PXDN: variants seen among roughly 807,000 people sequenced by gnomAD.
PXDN encodes peroxidasin homolog.
PXDN carries 77 observed loss-of-function variants against 140.3 expected under a neutral mutation model. The ratio of observed to expected loss-of-function variants is 0.55; its 90% confidence interval spans 0.46 to 0.66. The LOEUF (loss-of-function observed/expected upper bound fraction) is 0.66, where lower values mean the gene tolerates loss of function less well. Among genes scored for constraint, PXDN ranks in the 30% least tolerant of loss-of-function variants. The pLI is 0.00. For missense variants in PXDN, 1,838 were observed against 2,039.5 expected, an observed-to-expected ratio of 0.90 and a Z score of 1.90; for synonymous variants, 911 against 857.4, an observed-to-expected ratio of 1.06 and a Z score of -1.09.
At chr2:1,720,648 T>TTTCTCTCTCTCTGCATGTCC (rs1685021334) in intron 1 of PXDN, among the ~76,000 whole-genome samples, 2 of 151,996 alleles carry the variant, frequency 1.3e-5, no homozygotes, top group African/African-American at 4.8e-5. Context: ...TCTGCATCTC[T>TTTCTCTCTCTCTGCATGTCC]TTCTCTCTCT....
chr2:1,686,219 G>A (rs1684053330), intron 4 of PXDN, among the ~76,000 whole-genome samples: 1 of 152,204 alleles, frequency 6.6e-6, no homozygotes, highest in African/African-American at 2.4e-5. Context: ...CCCTGCCCGA[G>A]GGCGGGGCTC....
chr2:1,686,693 C>T (rs747856021), intron 4 of PXDN, among the ~76,000 whole-genome samples: 5 of 152,162 alleles, frequency 3.3e-5, no homozygotes, highest in African/African-American at 7.2e-5. Flanking sequence ...AATCTACCCA[C>T]GCCCTGTCCA....
chr2:1,643,498 T>C lies in PXDN; in HGVS notation c.3822A>G (p.Leu1274=), dbSNP rs766360870. ...GGGTGATGTTGTCCGCGTTGTCGCA[T>C]AGGATCCTGGCCAGCGACGTCTGCT... ...QIKQTSLARI[L]CDNADNITRV... The change falls in exon 19 of 23, where the codon CTA becomes CTG. Residue 1274 remains leucine (L), a synonymous_variant. Transcript: ENST00000252804. 2.5e-6 allele frequency: 4 copies of C among 1,613,814 alleles called. No individual in the cohort carries two copies. The highest frequency in any genetic ancestry group is 1.7e-5 in the Admixed American group (1 of 59,992).
At chr2:1,641,095 C>T (rs1682717677) in intron 19 of PXDN, among the ~76,000 whole-genome samples, 1 of 152,236 alleles carries the variant, frequency 6.6e-6, no homozygotes, top group African/African-American at 2.4e-5. Context: ...TTGTAGGCAT[C>T]AACGAAGCAA....
At chr2:1,686,785 C>A (rs185383534) in intron 4 of PXDN, among the ~76,000 whole-genome samples, 4 of 152,204 alleles carry the variant, frequency 2.6e-5, no homozygotes, top group Non-Finnish European at 2.9e-5. Context: ...TGGTCTCCCC[C>A]CTGCACCGCT....
rs1683012236 is a variant in PXDN, at chr2:1,651,458, T to C, written c.2105-1783A>G. ...ATGCTTGAAAATGCATCAAACCATG[T>C]TGCTTCTCTGCAGGAAACCCTAAGG... On this transcript the variant is annotated intron_variant, in intron 16 of 22. Transcript: ENST00000252804. The surrounding 1 kb of genome is among the most constrained non-coding windows in gnomAD (Gnocchi z 4.4). Among the ~76,000 whole-genome samples the C allele has an allele frequency of 1.3e-5, 2 of 152,190 alleles. No individual in the cohort carries two copies. The highest frequency in any genetic ancestry group is 3.9e-4 in the East Asian group (2 of 5,186).
At chr2:1,691,795 C>T (rs996783628) in intron 3 of PXDN, 133 bp downstream of exon 3, 14 of 600,356 alleles carry the variant, frequency 2.3e-5, no homozygotes, top group Non-Finnish European at 4.0e-5. Context: ...AATGTTTACT[C>T]ACCTTCTCAA....
chr2:1,638,047 G>A (rs186419734), intron 21 of PXDN, among the ~76,000 whole-genome samples: 1 of 152,284 alleles, frequency 6.6e-6, no homozygotes, highest in Non-Finnish European at 1.5e-5. Flanking sequence ...CTGTGGCTGG[G>A]GGTTACCTTG....
chr2:1,729,277 C>T (rs1209175255), intron 1 of PXDN, among the ~76,000 whole-genome samples: 1 of 152,180 alleles, frequency 6.6e-6, no homozygotes, highest in Non-Finnish European at 1.5e-5. Context: ...GAAACATGAG[C>T]ACTTACACAG....
intron 19 of PXDN, among the ~76,000 whole-genome samples, chr2:1,642,876 G>A (rs950668236): frequency 6.6e-6 from 1 of 152,188 alleles, no homozygotes; most frequent in East Asian, 1.9e-4. Flanking sequence ...CCAATCATGA[G>A]ACCACCTCCT....
intron 1 of PXDN, among the ~76,000 whole-genome samples, chr2:1,717,678 C>T (rs1684925772): frequency 6.6e-6 from 1 of 152,160 alleles, no homozygotes; most frequent in Non-Finnish European, 1.5e-5. Flanking sequence ...CTCTACTGAC[C>T]TGCAGCACAG....
intron 11 of PXDN, chr2:1,664,262 C>A: frequency 6.2e-6 from 1 of 160,874 alleles, no homozygotes; most frequent in Admixed American, 5.9e-5. Context: ...CCTCAGAGGG[C>A]TGAAGGGATG....
At position 1,638,897 on chromosome 2, in the gene PXDN, G is replaced by A. The variant is rs747448989; in HGVS notation, c.4155C>T (p.Phe1385=). Residue 1385 remains phenylalanine (F), a synonymous_variant, in exon 21 of 23, where the codon TTC becomes TTT. Coordinates refer to ENST00000252804, the MANE Select transcript of PXDN (RefSeq NM_012293.3). ...TRSDASGTND[F]REFVLEMQKT... ...TCTGCATTTCCAGAACAAACTCTCT[G>A]AAGTCATTTGTCCCAGATGCATCTG... 4 of 1,614,026 alleles carry A rather than the reference G, an allele frequency of 2.5e-6. No homozygotes were observed. Among genetic ancestry groups the A allele is most frequent in the Non-Finnish European group, 3.4e-6 (4 of 1,179,884 alleles).
intron 1 of PXDN, among the ~76,000 whole-genome samples, chr2:1,740,477 C>G (rs1368099614): frequency 1.3e-5 from 2 of 152,048 alleles, no homozygotes; most frequent in African/African-American, 4.8e-5. Flanking sequence ...ACTCCCAGAG[C>G]CCCCAGAGGG....
chr2:1,699,498 C>T (rs1684372259), intron 1 of PXDN, among the ~76,000 whole-genome samples: 2 of 152,180 alleles, frequency 1.3e-5, no homozygotes, highest in Admixed American at 1.3e-4. Context: ...CACCTGAGGT[C>T]AGGAATTCAA....
intron 1 of PXDN, among the ~76,000 whole-genome samples, chr2:1,733,437 G>C (rs560800854): frequency 6.6e-6 from 1 of 152,222 alleles, no homozygotes; most frequent in East Asian, 1.9e-4. Flanking sequence ...CAATGTGAGA[G>C]GACATTTTTA....
At chr2:1,671,922 A>G (rs1683587657) in intron 9 of PXDN, 1 of 152,264 alleles carries the variant, frequency 6.6e-6, no homozygotes, top group Non-Finnish European at 1.5e-5. Context: ...AAGAAAACTT[A>G]ATCATAGACA....
At chr2:1,741,076 G>A (rs984240169) in intron 1 of PXDN, among the ~76,000 whole-genome samples, 12 of 152,088 alleles carry the variant, frequency 7.9e-5, no homozygotes, top group African/African-American at 1.4e-4. Flanking sequence ...CAACCGTGGC[G>A]GCTCCAGGGA....
At chr2:1,672,323 T>C (rs1683596857) in intron 9 of PXDN, 1 of 152,252 alleles carries the variant, frequency 6.6e-6, no homozygotes. Context: ...TGTCTAGGAA[T>C]CAATCAACCT....
Sources: allele counts gnomAD v4.1 joint callset (sites outside exome capture counted in the v4.1 genomes callset), GRCh38; gene constraint gnomAD v4.1.1; non-coding constraint Gnocchi (gnomAD v3.1); transcripts MANE v1.5; gene names NCBI Gene and HGNC (gene_info 2026-07-23, HGNC 2026-07-21).